Variants in CHEK1 observed in about 807,000 individuals in gnomAD.
The protein encoded by CHEK1 is checkpoint kinase 1, also known as serine/threonine-protein kinase Chk1.
Under a neutral mutation model 60.2 loss-of-function variants are expected in CHEK1, and 32 were observed. The ratio of observed to expected loss-of-function variants is 0.53; its 90% CI spans 0.40 to 0.71. The LOEUF (loss-of-function observed/expected upper bound fraction) is 0.71. CHEK1 is among the 30% of genes least tolerant of loss of function. The pLI is 0.00. For missense variants in CHEK1, 399 were observed against 564.6 expected (o/e 0.71, Z 2.97); for synonymous variants, 179 against 187.2 (o/e 0.96, Z 0.36).
downstream of CHEK1, among the ~76,000 whole-genome samples, chr11:125,678,733 G>A (rs1157964586): frequency 1.3e-5 from 2 of 151,752 alleles, no homozygotes; most frequent in Non-Finnish European, 2.9e-5. Context: ...GATAGAAGAG[G>A]GAGAGAGAAA....
At chr11:125,654,386 A>C (rs1198744595) in intron 12 of CHEK1, among the ~76,000 whole-genome samples, 1 of 152,182 alleles carries the variant, frequency 6.6e-6, no homozygotes, top group African/African-American at 2.4e-5. Context: ...AAAATGAGAA[A>C]ATAAAAATAA....
chr11:125,673,269 A>G (rs932411979), intron 13 of CHEK1, among the ~76,000 whole-genome samples: 11 of 150,860 alleles, frequency 7.3e-5, no homozygotes, highest in African/African-American at 2.4e-4. Context: ...CAGTGGTGCA[A>G]CCTCAGCTCA....
At position 125,648,704 on chromosome 11, in the gene CHEK1, A is replaced by G. The variant is rs569165643; in HGVS notation, c.1233+4061A>G. Among the ~76,000 whole-genome samples the G allele has an allele frequency of 4.0e-5, 6 of 151,744 alleles. 1 individual carries two copies. The highest frequency in any genetic ancestry group is 3.9e-4 in the East Asian group (2 of 5,186). ...TTAGTTGTCCTGGCTAGGACTTCCA[A>G]CATTATGTTGAACAGAAATAGAGTC... On this transcript the variant is annotated intron_variant, in intron 11 of 12. Transcript: ENST00000438015.
intron 13 of CHEK1, among the ~76,000 whole-genome samples, chr11:125,669,164 C>G (rs1262833168): frequency 6.6e-6 from 1 of 152,112 alleles, no homozygotes; most frequent in Non-Finnish European, 1.5e-5. Context: ...CCCTGTAGGT[C>G]AGGGTTTCCA....
chr11:125,665,188 A>G lies in CHEK1; in HGVS notation c.*27+9841A>G, dbSNP rs532828734. Among the ~76,000 whole-genome samples the G allele has an allele frequency of 4.8e-5, 7 of 147,044 alleles. No individual in the cohort carries two copies. The South Asian group carries it at 8.5e-4, about 18-fold the overall frequency. On this transcript the variant is annotated intron_variant, in intron 13 of 13. Transcript: ENST00000428830. ...GTTTTGGTTACTATAGCTTTGTAGT[A>G]TAATTTGAAGTCAGGTGGTATGATG...
chr11:125,667,066 C>T (rs556862951), intron 13 of CHEK1, among the ~76,000 whole-genome samples: 8 of 151,758 alleles, frequency 5.3e-5, no homozygotes, highest in Admixed American at 2.6e-4. Flanking sequence ...GATAATTTCA[C>T]GATGCTGAGG....
intron 7 of CHEK1, among the ~76,000 whole-genome samples, 186 bp from the exon 8 acceptor site, chr11:125,637,263 C>T (rs1941105758): frequency 6.6e-6 from 1 of 152,094 alleles, no homozygotes; most frequent in South Asian, 2.1e-4. Context: ...AAGACTACTC[C>T]AAGATACAGC....
chr11:125,678,392 C>G (rs1025241921), downstream of CHEK1: 27 of 1,439,120 alleles, frequency 1.9e-5, no homozygotes, highest in Non-Finnish European at 2.5e-5. Flanking sequence ...TATGAGACTC[C>G]TAGGTTTCCT....
chr11:125,629,330 AAT>A (rs1479250184), intron 4 of CHEK1, 34 bp downstream of exon 4: 1 of 1,613,124 alleles, frequency 6.2e-7, no homozygotes, highest in South Asian at 1.1e-5. Context: ...TTTTACTTAA[AAT>A]TAGAGTGAAT....
At position 125,656,241 on chromosome 11, in the gene CHEK1, C is replaced by G. The variant is rs140546391; in HGVS notation, c.*921C>G. 2.1e-3 allele frequency: 452 copies of G among 214,994 alleles called. 1 individual carries two copies. Among genetic ancestry groups the G allele is most frequent in the African/African-American group, 9.1e-3 (407 of 44,488 alleles). 13.3% of individuals were successfully genotyped at this position (214,994 alleles called of 1,614,324 possible). On this transcript the variant is annotated 3_prime_UTR_variant, in exon 13 of 13. Coordinates refer to ENST00000438015, the MANE Select transcript of CHEK1 (RefSeq NM_001114122.3). Reference sequence around the variant, plus strand: ...TGGCTCCTGCCTGTAGTCCCAGCTACTTAGGAGGCTGAGAGAGGAGGATCG... The same window carrying G: ...TGGCTCCTGCCTGTAGTCCCAGCTAGTTAGGAGGCTGAGAGAGGAGGATCG...
intron 1 of CHEK1, 170 bp from the exon 2 acceptor site, chr11:125,626,578 CA>C (rs1430791551): frequency 1.7e-6 from 1 of 588,568 alleles, no homozygotes; most frequent in Non-Finnish European, 3.0e-6. Context: ...ACAAAATGGT[CA>C]GGTTTAGAAT....
At chr11:125,628,326 C>T (rs576208165) in intron 3 of CHEK1, among the ~76,000 whole-genome samples, 3 of 152,028 alleles carry the variant, frequency 2.0e-5, no homozygotes, top group East Asian at 3.9e-4. Context: ...CTTAAATATT[C>T]GATGTAGAAT....
At chr11:125,664,819 G>A (rs1047545819) in intron 13 of CHEK1, among the ~76,000 whole-genome samples, 2 of 152,068 alleles carry the variant, frequency 1.3e-5, no homozygotes, top group Non-Finnish European at 2.9e-5. Context: ...CTGTACTTGT[G>A]ATGTCTTCCA....
At chr11:125,679,374 T>C (rs545337211), downstream of CHEK1, among the ~76,000 whole-genome samples, 3 of 152,074 alleles carry the variant, frequency 2.0e-5, no homozygotes, top group East Asian at 5.8e-4. Flanking sequence ...CATGCCACCA[T>C]ACCTGGCTAA....
Position 125,633,925 on chromosome 11 carries a change from G to A in CHEK1, c.613+574G>A, listed in dbSNP as rs574743470. Among the ~76,000 whole-genome samples, 39 of 151,282 alleles carry A rather than the reference G, an allele frequency of 2.6e-4. 1 individual carries two copies. Among genetic ancestry groups the A allele is most frequent in the African/African-American group, 9.5e-4 (39 of 41,238 alleles). On this transcript the variant is annotated intron_variant, in intron 6 of 12. Coordinates refer to ENST00000438015, the MANE Select transcript of CHEK1 (RefSeq NM_001114122.3). Reference sequence around the variant, plus strand: ...ATGTTTTAGTGAGGGCCCTCTTCCTGATTTGCAGATGGCTGTCTTGCTGTG... The same window carrying A: ...ATGTTTTAGTGAGGGCCCTCTTCCTAATTTGCAGATGGCTGTCTTGCTGTG...
Position 125,653,603 on chromosome 11 carries a change from T to G in CHEK1, c.1234-143T>G. 1 of 569,532 alleles carries G rather than the reference T, an allele frequency of 1.8e-6. No homozygotes were observed. Among genetic ancestry groups the G allele is most frequent in the Non-Finnish European group, 3.1e-6 (1 of 325,826 alleles). The allele number at this position is 569,532 out of a possible 1,614,324, so 35.3% of individuals were successfully genotyped here. On this transcript the variant is annotated intron_variant, in intron 11 of 12. Transcript: ENST00000438015. The surrounding 1 kb of genome is among the most constrained non-coding windows in gnomAD (Gnocchi z 4.3). ...TCTCTTCCATATAATTTCCTTTCCTTTGGATCAGTAGTGGGATTGCTGGAA... is the reference window on the plus strand; with the variant it reads ...TCTCTTCCATATAATTTCCTTTCCTGTGGATCAGTAGTGGGATTGCTGGAA...
intron 7 of CHEK1, 144 bp from the exon 8 acceptor site, chr11:125,637,305 T>C (rs186739799): frequency 1.1e-5 from 6 of 522,052 alleles, no homozygotes; most frequent in Non-Finnish European, 1.9e-5. Flanking sequence ...ATTAAAGCAG[T>C]AATTTAGTAG....
intron 8 of CHEK1, chr11:125,642,955 T>C (rs1173086572): frequency 6.6e-6 from 1 of 152,146 alleles, no homozygotes; most frequent in African/African-American, 2.4e-5. Context: ...TCTGGCAATA[T>C]TGAGGTTTAG....
chr11:125,643,993 C>T (rs1369539418), intron 9 of CHEK1, 93 bp downstream of exon 9: 10 of 1,523,452 alleles, frequency 6.6e-6, no homozygotes, highest in Non-Finnish European at 9.0e-6. Flanking sequence ...TCGACATTAA[C>T]ATAATACTGT....
Sources: allele counts gnomAD v4.1 joint callset (sites outside exome capture counted in the v4.1 genomes callset), GRCh38; gene constraint gnomAD v4.1.1; non-coding constraint Gnocchi (gnomAD v3.1); transcripts MANE v1.5; gene names NCBI Gene and HGNC (gene_info 2026-07-23, HGNC 2026-07-21).